The following HSD11B1 variants were observed in gnomAD, a reference collection of about 807,000 sequenced individuals.
HSD11B1 encodes the protein 11-beta-hydroxysteroid dehydrogenase 1.
A neutral mutation model predicts 22.1 loss-of-function variants in HSD11B1; 15 were observed. That is an observed-to-expected ratio of 0.68 (90% CI 0.45 to 1.04). HSD11B1 has a LOEUF of 1.04. Ranked by LOEUF, HSD11B1 falls within the 50% of genes least tolerant of loss-of-function variation. The pLI is 0.00. For missense variants in HSD11B1, 281 were observed against 357.6 expected (o/e 0.79, Z 1.73); for synonymous variants, 122 against 125.2 (o/e 0.97, Z 0.17).
In HSD11B1 at chr1:209,732,549, ACT is replaced by A. The variant is rs1370655076; in HGVS notation, c.636_637del (p.Val214SerfsTer45). The A allele has an allele frequency of 3.7e-6, 6 of 1,612,774 alleles. No individual in the cohort carries two copies. Among genetic ancestry groups the A allele is most frequent in the Non-Finnish European group, 3.4e-6 (4 of 1,179,698 alleles). Reference protein sequence around the residue: ...YSVSRVNVSITLCVLGLIDTE... With the variant: ...YSVSRVNVSIXLCVLGLIDTE... The stretch of plus-strand genomic sequence containing the variant: ...AGTGTCCAGGGTCAATGTATCAATC[ACT>A]CTCTGTGTTCTTGGCCTCATAGACA... On this transcript the variant is annotated frameshift_variant, in exon 5 of 6. Coordinates refer to ENST00000367027, the MANE Select transcript of HSD11B1 (RefSeq NM_005525.4). LOFTEE classifies it low-confidence loss of function (END_TRUNC).
chr1:209,688,866 T>C (rs2076742937), intron 1 of HSD11B1, among the ~76,000 whole-genome samples: 1 of 152,138 alleles, frequency 6.6e-6, no homozygotes, highest in Non-Finnish European at 1.5e-5. Context: ...AGTTAAGGAA[T>C]GTCAACACTC....
At chr1:209,694,410 G>A (rs1395868539) in intron 1 of HSD11B1, among the ~76,000 whole-genome samples, 1 of 152,188 alleles carries the variant, frequency 6.6e-6, no homozygotes, top group Admixed American at 6.5e-5. Flanking sequence ...AAAAAGTGAT[G>A]AGTGCAATGA....
chr1:209,725,881 T>C (rs2076997899), intron 4 of HSD11B1, among the ~76,000 whole-genome samples: 1 of 152,114 alleles, frequency 6.6e-6, no homozygotes, highest in African/African-American at 2.4e-5. Context: ...CATTTACAGA[T>C]CAATAGCAGG....
In HSD11B1 at chr1:209,707,042, T is replaced by A; in HGVS notation, c.431T>A (p.Phe144Tyr). ...GTGCGCAAAAGCATGGAAGTCAACTTCCTCAGTTACGTGGTCCTGACTGTA... is the reference window on the plus strand; with the variant it reads ...GTGCGCAAAAGCATGGAAGTCAACTACCTCAGTTACGTGGTCCTGACTGTA... ...HHVRKSMEVN[F>Y]LSYVVLTVAA... The change falls in exon 4 of 6, where the codon TTC (phenylalanine) becomes TAC (tyrosine). Residue 144 changes from phenylalanine (F) to tyrosine (Y), a missense_variant. Transcript: ENST00000367027. The A allele has an allele frequency of 6.2e-7, 1 of 1,614,110 alleles. No homozygotes were observed. Among genetic ancestry groups the A allele is most frequent in the Non-Finnish European group, 8.5e-7 (1 of 1,179,962 alleles).
intron 1 of HSD11B1, among the ~76,000 whole-genome samples, chr1:209,696,582 C>CA (rs907501048): frequency 7.9e-5 from 12 of 152,090 alleles, no homozygotes; most frequent in African/African-American, 2.9e-4. Flanking sequence ...GGAATACAGA[C>CA]AAAAAATGAG....
At chr1:209,721,915 A>G (rs1179672672) in intron 4 of HSD11B1, among the ~76,000 whole-genome samples, 2 of 152,192 alleles carry the variant, frequency 1.3e-5, no homozygotes, top group East Asian at 3.8e-4. Flanking sequence ...TCCAGGGGAC[A>G]TATTAAAAGT....
At chr1:209,716,275 C>A (rs1252459164) in intron 4 of HSD11B1, among the ~76,000 whole-genome samples, 3 of 151,536 alleles carry the variant, frequency 2.0e-5, no homozygotes, top group African/African-American at 4.8e-5. Context: ...TCAACAGTGT[C>A]CCCATATGCT....
chr1:209,707,001 T>C lies in HSD11B1; in HGVS notation c.390T>C (p.His130=), dbSNP rs578197035. 1.2e-6 allele frequency: 2 copies of C among 1,614,158 alleles called. No individual in the cohort carries two copies. The highest frequency in any genetic ancestry group is 1.7e-6 in the Non-Finnish European group (2 of 1,179,996). ...HITNTSLNLF[H]DDIHHVRKSM... ...CCAACACTTCTTTGAATCTTTTTCA[T>C]GATGATATTCACCATGTGCGCAAAA... Residue 130 remains histidine (H), a synonymous_variant, in exon 4 of 6, where the codon CAT becomes CAC. Coordinates refer to ENST00000367027, the MANE Select transcript of HSD11B1 (RefSeq NM_005525.4).
In HSD11B1 at chr1:209,705,835, T is replaced by C; in HGVS notation, c.113T>C (p.Ile38Thr). 1 of 1,613,918 alleles carries C rather than the reference T, an allele frequency of 6.2e-7. No homozygotes were observed. Among genetic ancestry groups the C allele is most frequent in the Non-Finnish European group, 8.5e-7 (1 of 1,179,858 alleles). ...RPEMLQGKKV[I>T]VTGASKGIGR... is the part of the protein sequence containing the mutation. ...GAGATGCTCCAAGGAAAGAAAGTGA[T>C]TGTCACAGGGGCCAGCAAAGGGATC... The change falls in exon 2 of 6, where the codon ATT (isoleucine) becomes ACT (threonine). Residue 38 changes from isoleucine (I) to threonine (T), a missense_variant. By Grantham distance (89) the Ile-to-Thr change is moderately conservative (BLOSUM62 -1). Transcript: ENST00000367027.
intron 1 of HSD11B1, among the ~76,000 whole-genome samples, chr1:209,698,293 C>T (rs1363311337): frequency 6.6e-6 from 1 of 152,138 alleles, no homozygotes; most frequent in Non-Finnish European, 1.5e-5. Flanking sequence ...CTGTATTTGT[C>T]ATTTATCTGA....
intron 4 of HSD11B1, among the ~76,000 whole-genome samples, chr1:209,724,846 T>C (rs1391614360): frequency 6.6e-6 from 1 of 152,230 alleles, no homozygotes; most frequent in African/African-American, 2.4e-5. Flanking sequence ...TTTTTCTCTC[T>C]TCTCTTCATT....
chr1:209,711,935 G>A (rs577061843), intron 4 of HSD11B1, among the ~76,000 whole-genome samples: 4 of 152,208 alleles, frequency 2.6e-5, no homozygotes, highest in East Asian at 3.9e-4. Context: ...AATGCTACCC[G>A]TAATCATTGT....
chr1:209,723,359 C>T (rs1055423595), intron 4 of HSD11B1, among the ~76,000 whole-genome samples: 5 of 152,156 alleles, frequency 3.3e-5, no homozygotes, highest in Non-Finnish European at 7.3e-5. Flanking sequence ...TTGTTGAGCA[C>T]ATACACTGGC....
intron 4 of HSD11B1, among the ~76,000 whole-genome samples, chr1:209,711,251 C>A (rs2102377381): frequency 6.6e-6 from 1 of 152,250 alleles, no homozygotes; most frequent in East Asian, 1.9e-4. Context: ...TTAATGTCAT[C>A]CCTGCCTTCA....
Position 209,734,641 on chromosome 1 carries a change from G to T in HSD11B1, c.*120G>T. 1 of 791,146 alleles carries T rather than the reference G, an allele frequency of 1.3e-6. No homozygotes were observed. The highest frequency in any genetic ancestry group is 2.6e-5 in the East Asian group (1 of 38,676). The allele number at this position is 791,146 out of a possible 1,614,324, so 49.0% of individuals were successfully genotyped here. The stretch of plus-strand genomic sequence containing the variant: ...GTCCCCAGAGACATGCAAGTCATGG[G>T]TCACACCTGACAAATGGAAGGAGTT... On this transcript the variant is annotated 3_prime_UTR_variant, in exon 6 of 6. Transcript: ENST00000367027.
chr1:209,730,637 T>G (rs1035987309), intron 4 of HSD11B1, among the ~76,000 whole-genome samples: 11 of 152,208 alleles, frequency 7.2e-5, no homozygotes, highest in Non-Finnish European at 1.3e-4. Context: ...TAACACTATT[T>G]ACTATCATTT....
At chr1:209,691,420 G>A (rs928208225) in intron 1 of HSD11B1, among the ~76,000 whole-genome samples, 5 of 152,152 alleles carry the variant, frequency 3.3e-5, no homozygotes, top group East Asian at 1.9e-4. Flanking sequence ...AGAGAAAAAC[G>A]GGAGTTCCCA....
chr1:209,704,792 G>A (rs562809798), upstream of HSD11B1: 196 of 644,610 alleles, frequency 3.0e-4, 6 homozygotes, highest in South Asian at 3.2e-3. Flanking sequence ...GCTCTGACAG[G>A]GAAATTGGCT....
chr1:209,712,330 C>G (rs1209948814), intron 4 of HSD11B1, among the ~76,000 whole-genome samples: 1 of 151,942 alleles, frequency 6.6e-6, no homozygotes, highest in Non-Finnish European at 1.5e-5. Flanking sequence ...GTGGATTCAA[C>G]CAAATGTGGA....
Sources: allele counts gnomAD v4.1 joint callset (sites outside exome capture counted in the v4.1 genomes callset), GRCh38; gene constraint gnomAD v4.1.1; transcripts MANE v1.5; gene names NCBI Gene and HGNC (gene_info 2026-07-23, HGNC 2026-07-21).